The following MAML3 variants were observed in gnomAD, a reference collection of about 807,000 sequenced individuals.
MAML3 encodes mastermind-like protein 3.
MAML3 carries 27 observed loss-of-function variants against 101.9 expected under a neutral mutation model. The ratio of observed to expected loss-of-function variants is 0.27; its 90% confidence interval spans 0.20 to 0.37. The LOEUF is 0.37. MAML3 is among the 10% of genes least tolerant of loss of function. MAML3 has a pLI of 1.00. For synonymous variants in MAML3, 501 were observed against 555.9 expected, an observed-to-expected ratio of 0.90 and a Z score of 1.39; for missense variants, 1,316 against 1,444.9, an observed-to-expected ratio of 0.91 and a Z score of 1.45.
In MAML3 at chr4:139,785,195, A is replaced by G. The variant is rs918015872; in HGVS notation, c.2080-54528T>C. Reference sequence around the variant, plus strand: ...CAGCCACATGGCTCCTGGGTGCTCAATGTCTGAACCACAGCCTGCCCCTCA... The same window carrying G: ...CAGCCACATGGCTCCTGGGTGCTCAGTGTCTGAACCACAGCCTGCCCCTCA... On this transcript the variant is annotated intron_variant, in intron 2 of 4. Transcript: ENST00000509479. This position sits in a 1 kb window ranked among gnomAD's most constrained non-coding sequence, Gnocchi z 4.3. Among the ~76,000 whole-genome samples, 1 of 152,214 alleles carries G rather than the reference A, an allele frequency of 6.6e-6. No homozygotes were observed. Among genetic ancestry groups the G allele is most frequent in the African/African-American group, 2.4e-5 (1 of 41,460 alleles).
intron 1 of MAML3, among the ~76,000 whole-genome samples, chr4:139,975,681 A>G (rs552275012): frequency 1.3e-5 from 2 of 152,326 alleles, no homozygotes; most frequent in South Asian, 4.1e-4. Flanking sequence ...ATAGGGGCCC[A>G]GGAACTATTT....
intron 1 of MAML3, chr4:140,134,312 A>G (rs550473091): frequency 4.6e-4 from 210 of 456,740 alleles, no homozygotes; most frequent in African/African-American, 3.9e-3. Flanking sequence ...CACTCAAGGA[A>G]CTTGTACAAC....
intron 1 of MAML3, among the ~76,000 whole-genome samples, chr4:140,062,148 A>G (rs114923255): frequency 0.016 from 2,436 of 152,320 alleles, 60 homozygotes; most frequent in African/African-American, 0.054. Flanking sequence ...TGGATAGTTC[A>G]AAGTTTCCCT....
intron 1 of MAML3, among the ~76,000 whole-genome samples, chr4:139,936,741 G>T (rs1278275923): frequency 6.6e-6 from 1 of 152,044 alleles, no homozygotes; most frequent in Non-Finnish European, 1.5e-5. Flanking sequence ...AAATACCTGA[G>T]ATATCTTTGT....
intron 1 of MAML3, among the ~76,000 whole-genome samples, chr4:140,084,842 C>A (rs929155457): frequency 1.3e-5 from 2 of 152,100 alleles, no homozygotes; most frequent in Non-Finnish European, 2.9e-5. Flanking sequence ...TTTTGTCAAA[C>A]GATGGGAAAA....
intron 2 of MAML3, among the ~76,000 whole-genome samples, chr4:139,827,322 C>T (rs1222995266): frequency 6.6e-6 from 1 of 152,168 alleles, no homozygotes; most frequent in East Asian, 1.9e-4. Context: ...CAGTTCTCAG[C>T]AATGCCATTC....
intron 1 of MAML3, among the ~76,000 whole-genome samples, chr4:140,014,620 CAAAAACAATTTT>C (rs1726614280): frequency 6.6e-6 from 1 of 152,204 alleles, no homozygotes; most frequent in African/African-American, 2.4e-5. Flanking sequence ...TATATAATGA[CAAAAACAATTTT>C]ATATTGCTGG....
chr4:139,728,498 C>T (rs955177603), intron 3 of MAML3, among the ~76,000 whole-genome samples: 4 of 152,210 alleles, frequency 2.6e-5, no homozygotes, highest in African/African-American at 7.2e-5. Context: ...ATTATTAAAA[C>T]CTAATCTGGC....
intron 1 of MAML3, among the ~76,000 whole-genome samples, chr4:140,149,764 A>G (rs1729124477): frequency 6.6e-6 from 1 of 152,186 alleles, no homozygotes; most frequent in Non-Finnish European, 1.5e-5. Context: ...GCCTCACTGG[A>G]GTACAACTAT....
At chr4:139,937,021 C>T (rs1423474552) in intron 1 of MAML3, among the ~76,000 whole-genome samples, 1 of 152,172 alleles carries the variant, frequency 6.6e-6, no homozygotes, top group Non-Finnish European at 1.5e-5. Context: ...ACATTCCCAT[C>T]AAAATAAGTC....
At chr4:139,794,562 C>G (rs1456065314) in intron 2 of MAML3, 1 of 152,260 alleles carries the variant, frequency 6.6e-6, no homozygotes, top group African/African-American at 2.4e-5. Context: ...TCCACCTTAG[C>G]AATTCCTATG....
At chr4:140,128,215 A>C (rs1728714801) in intron 1 of MAML3, 1 of 152,338 alleles carries the variant, frequency 6.6e-6, no homozygotes, top group African/African-American at 2.4e-5. Context: ...ACAAGGTAAG[A>C]TCTCTTCTTC....
chr4:139,814,025 A>ACAC (rs1730851144), intron 2 of MAML3, among the ~76,000 whole-genome samples: 40 of 145,138 alleles, frequency 2.8e-4, no homozygotes, highest in African/African-American at 9.2e-4. Context: ...CACAAACACA[A>ACAC]ACACACACAC....
chr4:139,750,365 T>C (rs943283235), intron 2 of MAML3, among the ~76,000 whole-genome samples: 4 of 152,200 alleles, frequency 2.6e-5, no homozygotes, highest in Admixed American at 6.5e-5. Context: ...AGAGGCCTCC[T>C]AGGCGGTGGG....
At chr4:139,800,117 G>T (rs1730578146) in intron 2 of MAML3, among the ~76,000 whole-genome samples, 1 of 152,036 alleles carries the variant, frequency 6.6e-6, no homozygotes, top group South Asian at 2.1e-4. Context: ...GTAAAAAGCA[G>T]AATCAGACTG....
chr4:139,937,337 A>G (rs543347746), intron 1 of MAML3, among the ~76,000 whole-genome samples: 10 of 152,252 alleles, frequency 6.6e-5, no homozygotes, highest in South Asian at 2.1e-4. Context: ...GATGACATAA[A>G]GTGAATTAAG....
At chr4:139,768,567 C>T (rs1389712510) in intron 2 of MAML3, among the ~76,000 whole-genome samples, 1 of 152,172 alleles carries the variant, frequency 6.6e-6, no homozygotes, top group African/African-American at 2.4e-5. Context: ...GTAAATACCT[C>T]CTTATGAATC....
chr4:139,902,669 C>T (rs1266095182), intron 1 of MAML3, among the ~76,000 whole-genome samples: 3 of 152,202 alleles, frequency 2.0e-5, no homozygotes, highest in African/African-American at 7.2e-5. Context: ...AGCTCTGGAG[C>T]CTGGCGGCAG....
intron 1 of MAML3, among the ~76,000 whole-genome samples, chr4:140,012,947 A>C (rs1726587019): frequency 1.3e-5 from 2 of 152,236 alleles, no homozygotes; most frequent in South Asian, 4.1e-4. Context: ...CTGAGCAAAG[A>C]GATCAAGTGC....
Sources: gnomAD v4.1 joint callset for allele counts (sites outside exome capture counted in the v4.1 genomes callset) on GRCh38, gnomAD v4.1.1 for gene constraint, Gnocchi (gnomAD v3.1) non-coding constraint, MANE v1.5 for transcripts, NCBI Gene and HGNC (gene_info 2026-07-23, HGNC 2026-07-21) for gene names.